Variants in MACROD2 observed in about 807,000 individuals in gnomAD.
MACROD2 encodes ADP-ribose glycohydrolase MACROD2.
In MACROD2, 36 loss-of-function variants were observed where a neutral mutation model predicts 70.4. That is an observed-to-expected ratio of 0.51 (90% CI 0.39 to 0.68). MACROD2 has a LOEUF of 0.68. Among genes scored for constraint, MACROD2 ranks in the 30% least tolerant of loss-of-function variants. MACROD2 has a pLI of 0.00. For missense variants in MACROD2, 496 were observed against 538.4 expected, an observed-to-expected ratio of 0.92 and a Z score of 0.78; for synonymous variants, 172 against 178.8, an observed-to-expected ratio of 0.96 and a Z score of 0.30.
At chr20:15,650,487 A>G (rs138853377) in intron 8 of MACROD2, among the ~76,000 whole-genome samples, 1 of 152,318 alleles carries the variant, frequency 6.6e-6, no homozygotes, top group East Asian at 1.9e-4. Context: ...GCAAACACAC[A>G]TACAGCAAAG....
At chr20:14,285,320 T>G (rs565613626) in intron 3 of MACROD2, among the ~76,000 whole-genome samples, 43 of 152,304 alleles carry the variant, frequency 2.8e-4, no homozygotes, top group African/African-American at 1.0e-3. Context: ...TTAAATAATT[T>G]TGTGCATGAA....
At chr20:14,649,675 A>T (rs1285943703) in intron 4 of MACROD2, among the ~76,000 whole-genome samples, 2 of 152,154 alleles carry the variant, frequency 1.3e-5, no homozygotes, top group Non-Finnish European at 2.9e-5. Flanking sequence ...TGTTTATATG[A>T]CAAGGTATTT....
intron 3 of MACROD2, among the ~76,000 whole-genome samples, chr20:14,370,279 C>G (rs2083309930): frequency 6.6e-6 from 1 of 152,052 alleles, no homozygotes; most frequent in East Asian, 1.9e-4. Flanking sequence ...AAGAAAAAAG[C>G]ATGTTCTCAT....
At chr20:14,416,994 T>C (rs1180562160) in intron 3 of MACROD2, among the ~76,000 whole-genome samples, 1 of 152,306 alleles carries the variant, frequency 6.6e-6, no homozygotes, top group South Asian at 2.1e-4. Flanking sequence ...TTTTCTGTTA[T>C]GTGAACACAC....
chr20:14,669,126 G>A (rs2070767913), intron 4 of MACROD2, among the ~76,000 whole-genome samples: 1 of 152,106 alleles, frequency 6.6e-6, no homozygotes, highest in African/African-American at 2.4e-5. Flanking sequence ...ATAATGGAAA[G>A]AAAGAAAGTT....
chr20:15,823,308 G>A lies in MACROD2; in HGVS notation c.646-39437G>A, dbSNP rs7265157. On this transcript the variant is annotated intron_variant, in intron 8 of 17. Transcript: ENST00000684519. ...TGTGTGTGTGTGTGTGTGTGTGTGT[G>A]TGTGTGTGTGTGTCTATAGCTGTCT... Among the ~76,000 whole-genome samples the A allele has an allele frequency of 6.2e-3, 725 of 116,482 alleles. 10 individuals carry two copies. The highest frequency in any genetic ancestry group is 0.019 in the African/African-American group (663 of 34,368). 76.4% of individuals were successfully genotyped at this position (116,482 alleles called of 152,430 possible). A position where few individuals can be genotyped will look rare whatever the true frequency, so the allele number is the denominator to read the frequency against.
intron 3 of MACROD2, among the ~76,000 whole-genome samples, chr20:14,407,702 G>C (rs1189596829): frequency 6.6e-6 from 1 of 152,098 alleles, no homozygotes; most frequent in African/African-American, 2.4e-5. Context: ...GTCTTAGCTG[G>C]ATTTTATATT....
intron 8 of MACROD2, among the ~76,000 whole-genome samples, chr20:15,641,198 T>A (rs915054192): frequency 1.3e-5 from 2 of 152,208 alleles, no homozygotes; most frequent in Non-Finnish European, 2.9e-5. Flanking sequence ...TCACCATGCC[T>A]CCTCTTGCCT....
intron 8 of MACROD2, among the ~76,000 whole-genome samples, chr20:15,803,099 C>T (rs2063740449): frequency 6.6e-6 from 1 of 152,036 alleles, no homozygotes; most frequent in South Asian, 2.1e-4. Flanking sequence ...AAACTAGCAC[C>T]AATTTTTCTC....
chr20:15,019,019 T>C (rs556963357), intron 5 of MACROD2, among the ~76,000 whole-genome samples: 11 of 152,290 alleles, frequency 7.2e-5, no homozygotes, highest in African/African-American at 2.6e-4. Context: ...TTTTTTCTTT[T>C]ACCAATTACC....
intron 5 of MACROD2, among the ~76,000 whole-genome samples, chr20:14,761,342 A>G (rs1018200810): frequency 6.6e-6 from 1 of 152,114 alleles, no homozygotes; most frequent in Non-Finnish European, 1.5e-5. Context: ...AACCTCCTGA[A>G]ACATTGCCAT....
At chr20:14,456,440 C>T (rs2084303205) in intron 3 of MACROD2, among the ~76,000 whole-genome samples, 1 of 151,774 alleles carries the variant, frequency 6.6e-6, no homozygotes, top group Non-Finnish European at 1.5e-5. Flanking sequence ...ATTAAAGACA[C>T]ATAAGCCTAA....
intron 3 of MACROD2, among the ~76,000 whole-genome samples, chr20:14,378,144 T>G (rs1200682976): frequency 1.3e-5 from 2 of 152,156 alleles, no homozygotes; most frequent in Non-Finnish European, 2.9e-5. Flanking sequence ...GTTTATTAGT[T>G]TTAGCGTGGG....
intron 8 of MACROD2, among the ~76,000 whole-genome samples, chr20:15,590,508 T>A (rs1223794762): frequency 1.3e-5 from 2 of 152,218 alleles, no homozygotes; most frequent in Non-Finnish European, 2.9e-5. Context: ...CTGCTCATCA[T>A]TATTTCATTT....
intron 5 of MACROD2, among the ~76,000 whole-genome samples, chr20:15,086,595 C>T (rs946343471): frequency 6.6e-5 from 10 of 152,060 alleles, no homozygotes; most frequent in African/African-American, 2.2e-4. Flanking sequence ...CATTTTGATT[C>T]TTTATTTTAC....
chr20:14,989,527 G>T (rs961909284), intron 5 of MACROD2, among the ~76,000 whole-genome samples: 1 of 152,154 alleles, frequency 6.6e-6, no homozygotes, highest in Non-Finnish European at 1.5e-5. Context: ...AGAGAGTCAG[G>T]TGCAAGGGGG....
At chr20:14,511,223 A>T (rs1255792789) in intron 4 of MACROD2, among the ~76,000 whole-genome samples, 2 of 152,090 alleles carry the variant, frequency 1.3e-5, no homozygotes, top group Non-Finnish European at 2.9e-5. Flanking sequence ...TTTTTTGAGT[A>T]AGAAAACATG....
At chr20:14,034,970 TTCTTGG>T (rs1170243495) in intron 2 of MACROD2, among the ~76,000 whole-genome samples, 11 of 152,334 alleles carry the variant, frequency 7.2e-5, no homozygotes, top group African/African-American at 2.6e-4. Context: ...GATTTTTTTC[TTCTTGG>T]TCTTAATCGG....
intron 3 of MACROD2, among the ~76,000 whole-genome samples, chr20:14,117,749 G>A (rs1157579891): frequency 1.3e-5 from 2 of 152,034 alleles, no homozygotes; most frequent in East Asian, 1.9e-4. Flanking sequence ...GTTTGCCCAT[G>A]TCACTTGCTC....
Sources: allele counts gnomAD v4.1 joint callset (sites outside exome capture counted in the v4.1 genomes callset), GRCh38; gene constraint gnomAD v4.1.1; transcripts MANE v1.5; gene names NCBI Gene and HGNC (gene_info 2026-07-23, HGNC 2026-07-21).